Variants in TENM2 observed in about 807,000 individuals in gnomAD.
TENM2 encodes the protein teneurin transmembrane protein 2, also known as teneurin-2.
Under a neutral mutation model 245.2 loss-of-function variants are expected in TENM2, and 52 were observed. The observed-to-expected ratio is 0.21, with a 90% CI of 0.17 to 0.27. TENM2 has a LOEUF of 0.27. TENM2 is among the 10% of genes least tolerant of loss of function. The pLI is 1.00. For missense variants in TENM2, 3,046 were observed against 3,666.8 expected (o/e 0.83, Z 4.37); for synonymous variants, 1,363 against 1,438.9 (o/e 0.95, Z 1.19).
chr5:167,744,750 G>T (rs1761437420), intron 2 of TENM2, among the ~76,000 whole-genome samples: 1 of 152,068 alleles, frequency 6.6e-6, no homozygotes, highest in Non-Finnish European at 1.5e-5. Flanking sequence ...GAAATGGCAG[G>T]TTTTAATTGA....
chr5:167,820,814 A>C (rs546414642), intron 2 of TENM2, among the ~76,000 whole-genome samples: 1 of 152,194 alleles, frequency 6.6e-6, no homozygotes, highest in African/African-American at 2.4e-5. Flanking sequence ...CCCCAAATGA[A>C]GTCCTGCAGC....
At chr5:168,148,419 G>C (rs1756304642) in intron 12 of TENM2, among the ~76,000 whole-genome samples, 1 of 152,204 alleles carries the variant, frequency 6.6e-6, no homozygotes. Context: ...CTCATACTGT[G>C]CCACACATGA....
At chr5:167,814,160 C>T (rs949118052) in intron 2 of TENM2, among the ~76,000 whole-genome samples, 1 of 152,114 alleles carries the variant, frequency 6.6e-6, no homozygotes, top group Non-Finnish European at 1.5e-5. Flanking sequence ...AGCTAATACA[C>T]GTTTGATCTA....
chr5:167,786,726 A>T (rs1764602068), intron 2 of TENM2, among the ~76,000 whole-genome samples: 1 of 152,148 alleles, frequency 6.6e-6, no homozygotes, highest in Non-Finnish European at 1.5e-5. Context: ...ATTACCAGTC[A>T]TGCTTCCACT....
intron 2 of TENM2, among the ~76,000 whole-genome samples, chr5:167,536,877 G>A (rs1356767829): frequency 6.6e-6 from 1 of 151,942 alleles, no homozygotes; most frequent in Non-Finnish European, 1.5e-5. Context: ...AACAAAATTA[G>A]CCAGGTAATG....
At chr5:167,540,411 T>C (rs375713271) in intron 2 of TENM2, among the ~76,000 whole-genome samples, 3 of 152,204 alleles carry the variant, frequency 2.0e-5, no homozygotes, top group Admixed American at 6.5e-5. Flanking sequence ...TTTTAAATCA[T>C]TGGACAAGAA....
chr5:167,604,196 GTC>G (rs1222427977), intron 2 of TENM2, among the ~76,000 whole-genome samples: 1 of 152,156 alleles, frequency 6.6e-6, no homozygotes, highest in Non-Finnish European at 1.5e-5. Flanking sequence ...CTAAAATAAT[GTC>G]TGGTACATAG....
At chr5:168,228,381 C>T (rs879546310) in intron 25 of TENM2, among the ~76,000 whole-genome samples, 1 of 152,204 alleles carries the variant, frequency 6.6e-6, no homozygotes, top group Non-Finnish European at 1.5e-5. Flanking sequence ...TCTCCATTTC[C>T]ATTTCCTAGG....
chr5:167,742,212 C>T (rs1473807896), intron 2 of TENM2, among the ~76,000 whole-genome samples: 3 of 152,050 alleles, frequency 2.0e-5, no homozygotes, highest in Non-Finnish European at 4.4e-5. Flanking sequence ...CCCAATAATT[C>T]CCACTTTTCC....
the TENM2 span, among the ~76,000 whole-genome samples, chr5:167,197,045 A>T: frequency 1.3e-5 from 2 of 152,008 alleles, no homozygotes; most frequent in Admixed American, 6.6e-5. Flanking sequence ...CAAGATTGTC[A>T]GTGAATTCAG....
chr5:167,326,985 C>G (rs1314671788), intron 1 of TENM2, among the ~76,000 whole-genome samples: 1 of 151,738 alleles, frequency 6.6e-6, no homozygotes, highest in Non-Finnish European at 1.5e-5. Flanking sequence ...AAAGGAAAAC[C>G]CGGCAAATTC....
chr5:167,796,349 C>T (rs137981302), intron 2 of TENM2, among the ~76,000 whole-genome samples: 2 of 152,290 alleles, frequency 1.3e-5, no homozygotes, highest in South Asian at 4.1e-4. Flanking sequence ...GCAGCTTTAA[C>T]TCAATCTTCT....
chr5:167,524,856 G>A (rs1330748934), intron 2 of TENM2, among the ~76,000 whole-genome samples: 1 of 150,848 alleles, frequency 6.6e-6, no homozygotes, highest in East Asian at 1.9e-4. Context: ...CAAATGATGG[G>A]GTAAAAAGAA....
intron 2 of TENM2, among the ~76,000 whole-genome samples, chr5:167,410,972 G>T (rs562203916): frequency 6.6e-6 from 1 of 152,094 alleles, no homozygotes; most frequent in African/African-American, 2.4e-5. Flanking sequence ...GAAACCTGAG[G>T]TTGATTAGAT....
At chr5:167,655,889 C>T (rs574519389) in intron 2 of TENM2, among the ~76,000 whole-genome samples, 24 of 152,128 alleles carry the variant, frequency 1.6e-4, no homozygotes, top group Non-Finnish European at 3.4e-4. Flanking sequence ...CCAGGGCCAC[C>T]TTTTGAATCT....
chr5:168,019,387 AG>A (rs1785945737), intron 5 of TENM2, among the ~76,000 whole-genome samples: 1 of 152,202 alleles, frequency 6.6e-6, no homozygotes, highest in African/African-American at 2.4e-5. Context: ...AGAGCCAAGG[AG>A]GCCATTCCAA....
chr5:168,136,452 C>T (rs62383426), intron 12 of TENM2, among the ~76,000 whole-genome samples: 23,233 of 152,182 alleles, frequency 0.15, 2,164 homozygotes, highest in Non-Finnish European at 0.21. Context: ...CAGCACTGCC[C>T]CTACTGCCAG....
At chr5:167,302,243 A>G (rs1755375583) in intron 1 of TENM2, among the ~76,000 whole-genome samples, 1 of 152,116 alleles carries the variant, frequency 6.6e-6, no homozygotes, top group Admixed American at 6.5e-5. Context: ...TGTCGAGTTT[A>G]TATTGGGGTC....
chr5:167,445,363 A>AGAGG (rs1561961818), intron 2 of TENM2, among the ~76,000 whole-genome samples: 2 of 139,744 alleles, frequency 1.4e-5, no homozygotes, highest in African/African-American at 5.3e-5. Context: ...AGAGAGAGAG[A>AGAGG]GAGAGAGTGT....
Sources: allele counts gnomAD v4.1 joint callset (sites outside exome capture counted in the v4.1 genomes callset), GRCh38; gene constraint gnomAD v4.1.1; transcripts MANE v1.5; gene names NCBI Gene and HGNC (gene_info 2026-07-23, HGNC 2026-07-21).